The following GALNTL6 variants were observed in gnomAD, a reference collection of about 807,000 sequenced individuals.
GALNTL6 encodes the protein polypeptide N-acetylgalactosaminyltransferase-like 6.
In GALNTL6, 46 loss-of-function variants were observed where a neutral mutation model predicts 73.7. The observed-to-expected ratio is 0.62, with a 90% confidence interval of 0.49 to 0.80. The LOEUF (loss-of-function observed/expected upper bound fraction) is 0.80, where lower values mean the gene tolerates loss of function less well. GALNTL6 is among the 30% of genes least tolerant of loss of function. GALNTL6 has a pLI of 0.00. For synonymous variants in GALNTL6, 259 were observed against 263.7 expected (o/e 0.98, Z 0.17); for missense variants, 604 against 755.0 (o/e 0.80, Z 2.34).
At chr4:172,189,117 G>C (rs190455584) in intron 2 of GALNTL6, among the ~76,000 whole-genome samples, 4 of 150,204 alleles carry the variant, frequency 2.7e-5, no homozygotes, top group Admixed American at 2.6e-4. Flanking sequence ...TATCCATTTT[G>C]GGAAAAAAAT....
chr4:172,101,423 A>G (rs1298384911), intron 2 of GALNTL6, among the ~76,000 whole-genome samples: 2 of 152,170 alleles, frequency 1.3e-5, no homozygotes, highest in Admixed American at 6.5e-5. Context: ...TAACATTCTA[A>G]TTCTCACTCA....
intron 2 of GALNTL6, among the ~76,000 whole-genome samples, chr4:172,039,187 G>A (rs1742019035): frequency 6.6e-6 from 1 of 152,136 alleles, no homozygotes; most frequent in Non-Finnish European, 1.5e-5. Context: ...CTCCCAAGGA[G>A]TGTTGACTTT....
chr4:172,665,432 A>T (rs947808351), intron 5 of GALNTL6, among the ~76,000 whole-genome samples: 1 of 152,222 alleles, frequency 6.6e-6, no homozygotes, highest in Non-Finnish European at 1.5e-5. Context: ...GCCATGGTTA[A>T]CTTCAAGGTA....
At chr4:172,069,585 A>ATATATATATAACACATGTGT in intron 2 of GALNTL6, among the ~76,000 whole-genome samples, 1 of 23,438 alleles carries the variant, frequency 4.3e-5, no homozygotes, top group East Asian at 5.9e-4. Context: ...GTTATATATT[A>ATATATATATAACACATGTGT]TATATATAAC....
At chr4:172,429,557 CA>C (rs1281478232) in intron 5 of GALNTL6, among the ~76,000 whole-genome samples, 1 of 152,104 alleles carries the variant, frequency 6.6e-6, no homozygotes, top group Non-Finnish European at 1.5e-5. Flanking sequence ...GAGAGGTACA[CA>C]AAACTAGAGC....
chr4:172,392,142 C>CCA (rs1743685037), intron 5 of GALNTL6, among the ~76,000 whole-genome samples: 1 of 151,982 alleles, frequency 6.6e-6, no homozygotes, highest in African/African-American at 2.4e-5. Flanking sequence ...GTGTACGCCA[C>CCA]CACACCCCCC....
At chr4:171,962,637 A>G (rs1739253808) in intron 2 of GALNTL6, among the ~76,000 whole-genome samples, 1 of 152,018 alleles carries the variant, frequency 6.6e-6, no homozygotes, top group Non-Finnish European at 1.5e-5. Flanking sequence ...CTCATGAATA[A>G]TCCACCCCTT....
intron 2 of GALNTL6, among the ~76,000 whole-genome samples, chr4:172,177,793 A>ATATATACACACACATATATGTGTGTGTG (rs1735077045): frequency 3.6e-5 from 5 of 138,214 alleles, no homozygotes; most frequent in Admixed American, 2.1e-4. Context: ...ACATGTGTAT[A>ATATATACACACACATATATGTGTGTGTG]TATATACACA....
intron 2 of GALNTL6, among the ~76,000 whole-genome samples, chr4:172,151,491 CAG>C (rs145422710): frequency 0.021 from 3,165 of 152,160 alleles, 33 homozygotes; most frequent in Non-Finnish European, 0.031. Context: ...AAAATGAACG[CAG>C]AGATTTACAC....
chr4:172,145,178 C>T (rs570406769), intron 2 of GALNTL6, among the ~76,000 whole-genome samples: 108 of 152,042 alleles, frequency 7.1e-4, no homozygotes, highest in African/African-American at 2.5e-3. Flanking sequence ...CTTGCTCAGT[C>T]ACCCATGCTG....
At chr4:172,966,268 T>C (rs1301929882) in intron 10 of GALNTL6, among the ~76,000 whole-genome samples, 1 of 152,216 alleles carries the variant, frequency 6.6e-6, no homozygotes, top group African/African-American at 2.4e-5. Context: ...CAGTGGCAAC[T>C]GCCCTCAACT....
chr4:172,977,132 T>G (rs763518729), intron 10 of GALNTL6, among the ~76,000 whole-genome samples: 1 of 152,202 alleles, frequency 6.6e-6, no homozygotes, highest in African/African-American at 2.4e-5. Flanking sequence ...AAAAAGTTGT[T>G]TGATGAACAT....
chr4:172,542,295 A>C (rs1735586076), intron 5 of GALNTL6, among the ~76,000 whole-genome samples: 1 of 152,042 alleles, frequency 6.6e-6, no homozygotes, highest in Non-Finnish European at 1.5e-5. Flanking sequence ...TATTATGCAC[A>C]CAGGCTTTCC....
At chr4:171,857,333 A>G (rs1439013352) in intron 2 of GALNTL6, among the ~76,000 whole-genome samples, 2 of 152,198 alleles carry the variant, frequency 1.3e-5, no homozygotes, top group Non-Finnish European at 2.9e-5. Context: ...TCAGTGAACA[A>G]TGCACTATTA....
intron 2 of GALNTL6, among the ~76,000 whole-genome samples, chr4:171,910,006 A>G (rs1578963104): frequency 6.6e-6 from 1 of 152,202 alleles, no homozygotes; most frequent in Non-Finnish European, 1.5e-5. Flanking sequence ...TTAATATATC[A>G]ATATAATAAA....
intron 2 of GALNTL6, among the ~76,000 whole-genome samples, chr4:172,160,956 C>T: frequency 6.7e-6 from 1 of 150,012 alleles, no homozygotes. Context: ...ATATATAATG[C>T]CTTAATGCAC....
chr4:172,166,304 G>A (rs527378996), intron 2 of GALNTL6, among the ~76,000 whole-genome samples: 1 of 152,226 alleles, frequency 6.6e-6, no homozygotes, highest in South Asian at 2.1e-4. Context: ...TAAGTAGCCA[G>A]GCGTGGTGGC....
At chr4:172,588,360 G>A (rs892107807) in intron 5 of GALNTL6, among the ~76,000 whole-genome samples, 3 of 151,936 alleles carry the variant, frequency 2.0e-5, no homozygotes, top group South Asian at 2.1e-4. Flanking sequence ...TTGAGAGGCC[G>A]AAGCGAGCAG....
chr4:172,348,696 T>C lies in GALNTL6; in HGVS notation c.553+7T>C. The C allele has an allele frequency of 1.3e-6, 2 of 1,585,954 alleles. No individual in the cohort carries two copies. Among genetic ancestry groups the C allele is most frequent in the Non-Finnish European group, 1.7e-6 (2 of 1,160,598 alleles). Reference sequence around the variant, plus strand: ...GATGACTTCAGTGAGAGAGGTAAGATACAGTTGATAACATTTTATCTGATT... The same window carrying C: ...GATGACTTCAGTGAGAGAGGTAAGACACAGTTGATAACATTTTATCTGATT... On this transcript the variant is annotated splice_region_variant and intron_variant, in intron 5 of 12. Coordinates refer to ENST00000506823, the MANE Select transcript of GALNTL6 (RefSeq NM_001034845.3).
Sources: gnomAD v4.1 joint callset for allele counts (sites outside exome capture counted in the v4.1 genomes callset) on GRCh38, gnomAD v4.1.1 for gene constraint, MANE v1.5 for transcripts, NCBI Gene and HGNC (gene_info 2026-07-23, HGNC 2026-07-21) for gene names.